The following ELFN2 variants were observed in gnomAD, a reference collection of about 807,000 sequenced individuals.
ELFN2 encodes protein phosphatase 1 regulatory subunit 29.
In ELFN2, 17 loss-of-function variants were observed where a neutral mutation model predicts 45.5. The observed-to-expected ratio is 0.37, with a 90% confidence interval of 0.26 to 0.56. The LOEUF (loss-of-function observed/expected upper bound fraction) is 0.56, where lower values mean the gene tolerates loss of function less well. ELFN2 is among the 20% of genes least tolerant of loss of function. ELFN2 has a pLI of 0.77. For missense variants in ELFN2, 922 were observed against 1,183.2 expected, an observed-to-expected ratio of 0.78 and a Z score of 3.24; for synonymous variants, 550 against 551.5, an observed-to-expected ratio of 1.00 and a Z score of 0.04.
At chr22:37,343,279 G>T (rs904392899) in intron 1 of ELFN2, among the ~76,000 whole-genome samples, 1 of 152,094 alleles carries the variant, frequency 6.6e-6, no homozygotes, top group African/African-American at 2.4e-5. Flanking sequence ...TGTGTCCCAG[G>T]TCCGCTCCTC....
At position 37,374,700 on chromosome 22, in the gene ELFN2, C is replaced by T. The variant is rs1931514045; in HGVS notation, c.835G>A (p.Glu279Lys). Residue 279 changes from glutamate to lysine, a missense_variant, in exon 3 of 3, where the codon GAG (glutamate) becomes AAG (lysine). This residue lies in a region of ELFN2 where 358 missense variants were observed against 540.4 expected (regional missense o/e 0.66). Coordinates refer to ENST00000402918, the MANE Select transcript of ELFN2 (RefSeq NM_052906.5). ...GCCGGCGGCTCCACCGAAAGGATCTCGTCGGGGTTGAAGCCCGAGTTCTCG... is the reference window on the plus strand; with the variant it reads ...GCCGGCGGCTCCACCGAAAGGATCTTGTCGGGGTTGAAGCCCGAGTTCTCG... ...PDENSGFNPD[E>K]ILSVEPPASS... The T allele has an allele frequency of 2.5e-6, 4 of 1,612,038 alleles. No homozygotes were observed. The highest frequency in any genetic ancestry group is 2.2e-5 in the East Asian group (1 of 44,824).
At chr22:37,381,579 A>T (rs1300329849) in intron 2 of ELFN2, among the ~76,000 whole-genome samples, 2 of 149,052 alleles carry the variant, frequency 1.3e-5, no homozygotes, top group Non-Finnish European at 3.0e-5. Context: ...GAGATAACTC[A>T]CTCCTCACCC....
chr22:37,351,972 G>A (rs2145614204), intron 1 of ELFN2, among the ~76,000 whole-genome samples: 1 of 150,986 alleles, frequency 6.6e-6, no homozygotes, highest in South Asian at 2.1e-4. Flanking sequence ...AGACTGGGCT[G>A]CCCAACTCGG....
At chr22:37,367,569 G>A (rs1291410408), downstream of ELFN2, among the ~76,000 whole-genome samples, 1 of 152,236 alleles carries the variant, frequency 6.6e-6, no homozygotes, top group Admixed American at 6.5e-5. Context: ...GGAAGCAGCT[G>A]AAGTCTAGTA....
chr22:37,397,968 C>A (rs1932260210), intron 2 of ELFN2, among the ~76,000 whole-genome samples: 1 of 152,154 alleles, frequency 6.6e-6, no homozygotes, highest in African/African-American at 2.4e-5. Context: ...GCACTGGTCC[C>A]TGGGGGTGCG....
intron 2 of ELFN2, among the ~76,000 whole-genome samples, chr22:37,387,662 T>A (rs1931985411): frequency 6.6e-6 from 1 of 152,108 alleles, no homozygotes; most frequent in Non-Finnish European, 1.5e-5. Flanking sequence ...GCTGGGGACC[T>A]GCAGCTTTGC....
chr22:37,385,889 A>G (rs1284187957), intron 2 of ELFN2, among the ~76,000 whole-genome samples: 3 of 152,262 alleles, frequency 2.0e-5, no homozygotes, highest in South Asian at 2.1e-4. Flanking sequence ...GGATTCTAGG[A>G]TGTATCTACC....
intron 1 of ELFN2, among the ~76,000 whole-genome samples, chr22:37,418,500 A>C (rs905969640): frequency 4.0e-5 from 6 of 151,762 alleles, no homozygotes; most frequent in Admixed American, 3.3e-4. Flanking sequence ...CACAGCCTGG[A>C]GGTGTCTCCC....
At position 37,374,851 on chromosome 22, in the gene ELFN2, C is replaced by G. The variant is rs753716800; in HGVS notation, c.684G>C (p.Val228=). The change falls in exon 3 of 3, where the codon GTG becomes GTC. Residue 228 remains valine, a synonymous_variant. Coordinates refer to ENST00000402918, the MANE Select transcript of ELFN2 (RefSeq NM_052906.5). ...CGTTGAGGCTGTGGTAGGGCCGGGG[C>G]ACCAGCAGCGGGTAGCCGGCAAACT... The part of the protein sequence containing the change: ...PREFAGYPLL[V]PRPYHSLNAI... The G allele has an allele frequency of 4.4e-6, 7 of 1,607,766 alleles. No homozygotes were observed. The highest frequency in any genetic ancestry group is 5.1e-6 in the Non-Finnish European group (6 of 1,179,806).
chr22:37,362,289 G>A (rs909562140), intron 1 of ELFN2, among the ~76,000 whole-genome samples: 4 of 152,174 alleles, frequency 2.6e-5, no homozygotes, highest in East Asian at 1.9e-4. Flanking sequence ...TCCTCCCCCC[G>A]TCTCTGGGTT....
In ELFN2 at chr22:37,374,800, A is replaced by G. The variant is rs774851542; in HGVS notation, c.735T>C (p.Cys245=). ...LNAITVLQAK[C]RNGSLPARPV... is the part of the protein sequence containing the mutation. Reference sequence around the variant, plus strand: ...GCCGGGCGGGCAGCGAGCCATTCCGACACTTGGCCTGGAGTACGGTGATGG... The same window carrying G: ...GCCGGGCGGGCAGCGAGCCATTCCGGCACTTGGCCTGGAGTACGGTGATGG... Residue 245 remains cysteine, a synonymous_variant, in exon 3 of 3, where the codon TGT becomes TGC. Transcript: ENST00000402918. 1 of 1,607,328 alleles carries G rather than the reference A, an allele frequency of 6.2e-7. No homozygotes were observed. Among genetic ancestry groups the G allele is most frequent in the Non-Finnish European group, 8.5e-7 (1 of 1,179,362 alleles).
intron 2 of ELFN2, among the ~76,000 whole-genome samples, chr22:37,382,839 G>A (rs917366890): frequency 5.3e-5 from 8 of 152,140 alleles, no homozygotes; most frequent in African/African-American, 7.2e-5. Flanking sequence ...CCCAGCCACC[G>A]TACCTGGCCC....
intron 2 of ELFN2, among the ~76,000 whole-genome samples, chr22:37,382,081 C>T (rs1459154739): frequency 1.3e-5 from 2 of 151,532 alleles, no homozygotes; most frequent in South Asian, 2.1e-4. Context: ...TTTAGTTTCA[C>T]GGCCGTCCTT....
chr22:37,403,065 C>G (rs938551338), intron 2 of ELFN2, among the ~76,000 whole-genome samples: 8 of 152,128 alleles, frequency 5.3e-5, no homozygotes, highest in African/African-American at 1.9e-4. Context: ...ATAGCCGCAG[C>G]CTATCCCAGT....
At chr22:37,351,626 G>A (rs1435695638) in intron 1 of ELFN2, among the ~76,000 whole-genome samples, 1 of 149,988 alleles carries the variant, frequency 6.7e-6, no homozygotes, top group Non-Finnish European at 1.5e-5. Flanking sequence ...TCAAGGCTTG[G>A]AGAAAAGAGC....
At chr22:37,354,663 G>A (rs1435712288) in intron 1 of ELFN2, 1 of 149,968 alleles carries the variant, frequency 6.7e-6, no homozygotes, top group Admixed American at 6.7e-5. Flanking sequence ...CATATCTTAT[G>A]GGGTTCTTAT....
intron 2 of ELFN2, among the ~76,000 whole-genome samples, chr22:37,379,512 G>A (rs1931687827): frequency 1.3e-5 from 2 of 152,150 alleles, no homozygotes; most frequent in African/African-American, 4.8e-5. Context: ...CTCCCTTCAG[G>A]CCCCAAGTGC....
intron 2 of ELFN2, among the ~76,000 whole-genome samples, chr22:37,398,382 T>C (rs1433930305): frequency 6.6e-6 from 1 of 152,010 alleles, no homozygotes; most frequent in Non-Finnish European, 1.5e-5. Context: ...TCCTTCCACT[T>C]CCAGAAAGCA....
intron 2 of ELFN2, among the ~76,000 whole-genome samples, chr22:37,395,589 G>T (rs1055838333): frequency 6.6e-6 from 1 of 152,150 alleles, no homozygotes; most frequent in African/African-American, 2.4e-5. Context: ...GGCACCCCTT[G>T]GCTGGCTCTG....
Sources: allele counts gnomAD v4.1 joint callset (sites outside exome capture counted in the v4.1 genomes callset), GRCh38; gene constraint gnomAD v4.1.1; regional missense constraint gnomAD v4.1.1; transcripts MANE v1.5; gene names NCBI Gene and HGNC (gene_info 2026-07-23, HGNC 2026-07-21).